BABAM2: variants seen among roughly 807,000 people sequenced by gnomAD.
BABAM2 encodes the protein BRISC and BRCA1-A complex member 2.
Under a neutral mutation model 54.7 loss-of-function variants are expected in BABAM2, and 31 were observed. The ratio of observed to expected loss-of-function variants is 0.57; its 90% confidence interval spans 0.43 to 0.77. The LOEUF (loss-of-function observed/expected upper bound fraction) is 0.77, where lower values mean the gene tolerates loss of function less well. Among genes scored for constraint, BABAM2 ranks in the 30% least tolerant of loss-of-function variants. The pLI, the probability that BABAM2 is intolerant of heterozygous loss-of-function variation, is 0.00. For missense variants in BABAM2, 364 were observed against 455.8 expected (o/e 0.80, Z 1.83); for synonymous variants, 167 against 162.9 (o/e 1.03, Z -0.19).
intron 10 of BABAM2, among the ~76,000 whole-genome samples, chr2:28,266,597 C>G (rs868080626): frequency 1.3e-5 from 2 of 152,166 alleles, no homozygotes; most frequent in Admixed American, 6.5e-5. Flanking sequence ...TTGATCTTCC[C>G]CAAGCCCCAT....
In BABAM2 at chr2:28,338,569, C is replaced by A; in HGVS notation, c.*56C>A. On this transcript the variant is annotated 3_prime_UTR_variant, in exon 12 of 12. Transcript: ENST00000379624. ...GACTGCCTGTCCACATGCGTGTCAG[C>A]ACATACAGCCGCTTCCTGGAAGCCG... 1 of 1,588,656 alleles carries A rather than the reference C, an allele frequency of 6.3e-7. No homozygotes were observed. Among genetic ancestry groups the A allele is most frequent in the Non-Finnish European group, 8.6e-7 (1 of 1,157,644 alleles).
At chr2:27,902,948 A>G (rs534986022) in intron 2 of BABAM2, among the ~76,000 whole-genome samples, 2 of 151,962 alleles carry the variant, frequency 1.3e-5, no homozygotes, top group African/African-American at 4.8e-5. Context: ...AGAGAGAGAA[A>G]GAGAGTTTTA....
At chr2:28,032,298 G>C (rs1293487009) in intron 5 of BABAM2, among the ~76,000 whole-genome samples, 1 of 152,088 alleles carries the variant, frequency 6.6e-6, no homozygotes, top group East Asian at 1.9e-4. Context: ...AACCTGATAT[G>C]CTTCTTCCTT....
chr2:28,083,285 A>C (rs138677570), intron 6 of BABAM2, among the ~76,000 whole-genome samples: 128 of 152,246 alleles, frequency 8.4e-4, no homozygotes, highest in Middle Eastern at 3.4e-3. Flanking sequence ...TTGCATGCTT[A>C]GCCTTGTCTC....
chr2:28,278,431 A>G (rs1231616642), intron 10 of BABAM2, among the ~76,000 whole-genome samples: 1 of 152,198 alleles, frequency 6.6e-6, no homozygotes, highest in Non-Finnish European at 1.5e-5. Context: ...GGACTTGGTG[A>G]ACACTCAGAT....
chr2:28,326,540 C>T (rs1690476437), intron 11 of BABAM2, among the ~76,000 whole-genome samples: 1 of 152,204 alleles, frequency 6.6e-6, no homozygotes, highest in Non-Finnish European at 1.5e-5. Context: ...ACCCATCTTC[C>T]CAGCCTCTCT....
intron 7 of BABAM2, among the ~76,000 whole-genome samples, chr2:28,160,227 C>T (rs1672933308): frequency 1.3e-5 from 2 of 152,114 alleles, no homozygotes; most frequent in South Asian, 4.1e-4. Context: ...GGGGATCCTC[C>T]CACCTCAGTC....
At chr2:28,139,198 CA>C (rs1174258457) in intron 7 of BABAM2, among the ~76,000 whole-genome samples, 3 of 151,552 alleles carry the variant, frequency 2.0e-5, no homozygotes, top group African/African-American at 7.3e-5. Flanking sequence ...GAGTCCGAGG[CA>C]GGGGGATCAC....
chr2:28,294,946 C>A (rs1427054102), intron 10 of BABAM2, among the ~76,000 whole-genome samples: 2 of 152,148 alleles, frequency 1.3e-5, no homozygotes, highest in African/African-American at 4.8e-5. Flanking sequence ...TTAGACAAAT[C>A]TCCATGGAGA....
chr2:27,983,587 A>G (rs1417116475), intron 3 of BABAM2, among the ~76,000 whole-genome samples: 1 of 152,108 alleles, frequency 6.6e-6, no homozygotes, highest in Non-Finnish European at 1.5e-5. Flanking sequence ...TCTAGTTGAC[A>G]AACATGAGAT....
chr2:28,016,527 C>G, intron 4 of BABAM2: 2 of 777,504 alleles, frequency 2.6e-6, no homozygotes, highest in Non-Finnish European at 4.4e-6. Flanking sequence ...GAAACTGGGC[C>G]GGAGAGATGG....
rs139926896 is a variant in BABAM2 at position 27,976,016 on chromosome 2, A to G, written c.206-11977A>G. ...TATGAGATGCCATGATGTACCTGTT[A>G]GAATGACTAAAATCAATGACAATAA... On this transcript the variant is annotated intron_variant, in intron 3 of 11. Transcript: ENST00000379624. Among the ~76,000 whole-genome samples the G allele has an allele frequency of 2.6e-5, 4 of 152,278 alleles. No individual in the cohort carries two copies. The East Asian group carries it at 7.7e-4, about 29-fold the overall frequency.
intron 7 of BABAM2, among the ~76,000 whole-genome samples, chr2:28,139,661 T>C (rs1670876744): frequency 6.6e-6 from 1 of 152,256 alleles, no homozygotes; most frequent in Admixed American, 6.5e-5. Context: ...GTTAGCCATA[T>C]TGCTAGATGT....
At chr2:27,964,229 G>A (rs1418911733) in intron 3 of BABAM2, among the ~76,000 whole-genome samples, 6 of 151,986 alleles carry the variant, frequency 3.9e-5, no homozygotes, top group African/African-American at 7.3e-5. Context: ...GCCATGTTTC[G>A]ATGCAGCATG....
chr2:28,224,682 G>C (rs755205756), intron 7 of BABAM2, among the ~76,000 whole-genome samples: 1 of 152,052 alleles, frequency 6.6e-6, no homozygotes, highest in African/African-American at 2.4e-5. Flanking sequence ...CCTAAGGACA[G>C]GCCTAGCCTA....
chr2:27,972,907 C>T (rs1175841812), intron 3 of BABAM2, among the ~76,000 whole-genome samples: 2 of 151,494 alleles, frequency 1.3e-5, no homozygotes, highest in African/African-American at 2.4e-5. Context: ...GCTGGGACTA[C>T]AGGCGCGCAC....
chr2:27,902,928 A>T (rs1001456968), intron 2 of BABAM2, among the ~76,000 whole-genome samples: 43 of 141,414 alleles, frequency 3.0e-4, no homozygotes, highest in South Asian at 1.1e-3. Flanking sequence ...TGTGTGTGAG[A>T]GAGAGAGAGA....
intron 4 of BABAM2, among the ~76,000 whole-genome samples, chr2:28,020,890 T>C (rs2148553657): frequency 6.6e-6 from 1 of 151,320 alleles, no homozygotes; most frequent in South Asian, 2.1e-4. Context: ...TTAGCTAGAT[T>C]CCCAGAAATA....
At position 28,261,781 on chromosome 2, in the gene BABAM2, C is replaced by G. The variant is rs1188254054; in HGVS notation, c.934+16919C>G. Among the ~76,000 whole-genome samples, 228 of 151,024 alleles carry G rather than the reference C, an allele frequency of 1.5e-3. 2 individuals carry two copies. Among genetic ancestry groups the G allele is most frequent in the African/African-American group, 5.3e-3 (218 of 41,086 alleles). On this transcript the variant is annotated intron_variant, in intron 10 of 11. Transcript: ENST00000379624. ...CTCTCCTCCTTTCCCCTCCCCTCCCCTCCCCTTCCCTTCCCTCCCTTCCAG... is the reference window on the plus strand; with the variant it reads ...CTCTCCTCCTTTCCCCTCCCCTCCCGTCCCCTTCCCTTCCCTCCCTTCCAG...
Sources: gnomAD v4.1 joint callset for allele counts (sites outside exome capture counted in the v4.1 genomes callset) on GRCh38, gnomAD v4.1.1 for gene constraint, MANE v1.5 for transcripts, NCBI Gene and HGNC (gene_info 2026-07-23, HGNC 2026-07-21) for gene names.